Variants in SLC2A13 observed in about 807,000 individuals in gnomAD.
SLC2A13 encodes the protein solute carrier family 2 member 13.
SLC2A13 carries 32 observed loss-of-function variants against 64.4 expected under a neutral mutation model. The ratio of observed to expected loss-of-function variants is 0.50; its 90% CI spans 0.37 to 0.67. SLC2A13 has a LOEUF of 0.67. Ranked by LOEUF, SLC2A13 falls within the 30% of genes least tolerant of loss-of-function variation. SLC2A13 has a pLI of 0.00. For synonymous variants in SLC2A13, 338 were observed against 327.1 expected (o/e 1.03, Z -0.36); for missense variants, 743 against 829.2 (o/e 0.90, Z 1.28).
chr12:40,004,745 G>A (rs1306563376), intron 3 of SLC2A13, among the ~76,000 whole-genome samples: 1 of 151,832 alleles, frequency 6.6e-6, no homozygotes, highest in African/African-American at 2.4e-5. Context: ...ACTGTTAACT[G>A]GGAGCCTTAT....
chr12:40,073,465 T>C (rs1395041855), intron 1 of SLC2A13, among the ~76,000 whole-genome samples: 1 of 152,146 alleles, frequency 6.6e-6, no homozygotes, highest in African/African-American at 2.4e-5. Context: ...AGATCAATGA[T>C]TAATTAAAAA....
intron 4 of SLC2A13, among the ~76,000 whole-genome samples, chr12:39,927,633 G>A (rs541711577): frequency 4.6e-5 from 7 of 152,076 alleles, no homozygotes; most frequent in Non-Finnish European, 1.0e-4. Context: ...TACTGTTACT[G>A]TCAAAACAGC....
intron 3 of SLC2A13, among the ~76,000 whole-genome samples, chr12:39,959,677 A>G (rs1202071837): frequency 3.3e-5 from 5 of 152,206 alleles, no homozygotes; most frequent in Admixed American, 6.5e-5. Flanking sequence ...TTCTCAACTG[A>G]ACGAATTTCA....
intron 3 of SLC2A13, among the ~76,000 whole-genome samples, chr12:39,953,531 G>C (rs1039322470): frequency 6.6e-6 from 1 of 152,078 alleles, no homozygotes; most frequent in East Asian, 1.9e-4. Flanking sequence ...AAAAAATCAA[G>C]TACATTAATT....
At chr12:40,020,101 T>C (rs1199096589) in intron 3 of SLC2A13, among the ~76,000 whole-genome samples, 1 of 152,138 alleles carries the variant, frequency 6.6e-6, no homozygotes, top group Non-Finnish European at 1.5e-5. Flanking sequence ...AGCTCCCCAA[T>C]ACAAATCCAA....
At chr12:39,761,283 T>G (rs1331895702) in intron 9 of SLC2A13, among the ~76,000 whole-genome samples, 1 of 151,994 alleles carries the variant, frequency 6.6e-6, no homozygotes, top group African/African-American at 2.4e-5. Context: ...ACTTAAGTGT[T>G]GGCAGTTTAT....
At chr12:40,039,345 T>C (rs965068693) in intron 2 of SLC2A13, among the ~76,000 whole-genome samples, 44 of 152,198 alleles carry the variant, frequency 2.9e-4, no homozygotes, top group African/African-American at 1.0e-3. Flanking sequence ...CTTTAGACAA[T>C]GTAGATCTGT....
intron 3 of SLC2A13, among the ~76,000 whole-genome samples, chr12:39,979,360 C>A (rs1324207793): frequency 6.7e-6 from 1 of 148,540 alleles, no homozygotes; most frequent in African/African-American, 2.5e-5. Flanking sequence ...AGGCTTCAGA[C>A]GATCAAATTA....
chr12:39,894,562 C>A (rs536781700), intron 4 of SLC2A13, among the ~76,000 whole-genome samples: 1 of 152,074 alleles, frequency 6.6e-6, no homozygotes, highest in African/African-American at 2.4e-5. Flanking sequence ...AGTGGTTAAA[C>A]CCAGACTAAA....
chr12:39,760,259 C>T lies in SLC2A13; in HGVS notation c.1721-7G>A, dbSNP rs768208682. 122 of 1,603,732 alleles carry T rather than the reference C, an allele frequency of 7.6e-5. No individual in the cohort carries two copies. Among genetic ancestry groups the T allele is most frequent in the Middle Eastern group, 1.7e-4 (1 of 6,056 alleles). ...GCATAGAGGAAGAAAGCTCCTGCAA[C>T]GGAATATAATAGATACATGAATATG... On this transcript the variant is annotated splice_polypyrimidine_tract_variant and splice_region_variant and intron_variant, in intron 9 of 9. Transcript: ENST00000280871.
intron 6 of SLC2A13, among the ~76,000 whole-genome samples, chr12:39,834,787 A>C (rs1412439311): frequency 2.0e-5 from 3 of 152,078 alleles, no homozygotes; most frequent in Non-Finnish European, 2.9e-5. Flanking sequence ...TTTTCATCAT[A>C]TAGACTATTT....
Position 39,839,110 on chromosome 12 carries a change from C to T in SLC2A13, c.1320-8882G>A, listed in dbSNP as rs141092593. ...TCCCCTAACAGCTATTCCCAAACTT[C>T]CATACTCTACTATCCCCTTCCTCAC... is the stretch of plus-strand genomic sequence containing the variant. On this transcript the variant is annotated intron_variant, in intron 6 of 9. Coordinates refer to ENST00000280871, the MANE Select transcript of SLC2A13 (RefSeq NM_052885.4). Among the ~76,000 whole-genome samples the T allele has an allele frequency of 4.5e-3, 684 of 152,248 alleles. 2 individuals are homozygous for T. The highest frequency in any genetic ancestry group is 6.7e-3 in the Non-Finnish European group (454 of 67,990).
intron 2 of SLC2A13, among the ~76,000 whole-genome samples, chr12:40,033,228 T>C (rs1245860384): frequency 6.6e-6 from 1 of 152,240 alleles, no homozygotes; most frequent in Admixed American, 6.5e-5. Flanking sequence ...TTATTGTAAG[T>C]CAAGCTATAT....
intron 7 of SLC2A13, among the ~76,000 whole-genome samples, chr12:39,802,924 C>G (rs1592151527): frequency 6.6e-6 from 1 of 152,070 alleles, no homozygotes; most frequent in South Asian, 2.1e-4. Flanking sequence ...GACAATAAAG[C>G]CCTCTGGGAA....
intron 4 of SLC2A13, among the ~76,000 whole-genome samples, chr12:39,923,529 G>A (rs1945653285): frequency 6.6e-6 from 1 of 152,068 alleles, no homozygotes; most frequent in African/African-American, 2.4e-5. Context: ...TGTTTAATGT[G>A]TACAGAGTTT....
rs58188254 is a variant in SLC2A13, at chr12:39,828,712, GTTT to G, written c.1445+1388_1445+1390del. On this transcript the variant is annotated intron_variant, in intron 7 of 9. Coordinates refer to ENST00000280871, the MANE Select transcript of SLC2A13 (RefSeq NM_052885.4). Reference sequence around the variant, plus strand: ...ATAATTCTAGACTAGTAGTAACTTAGTTTTTTTTTTTTCCTATTGGCAAAAACA... The same window carrying G: ...ATAATTCTAGACTAGTAGTAACTTAGTTTTTTTTTCCTATTGGCAAAAACA... Among the ~76,000 whole-genome samples the G allele has an allele frequency of 5.3e-5, 8 of 149,828 alleles. No individual in the cohort carries two copies. The East Asian group carries it at 5.9e-4, about 11-fold the overall frequency.
At chr12:40,059,480 C>G (rs905765545) in intron 1 of SLC2A13, among the ~76,000 whole-genome samples, 4 of 152,162 alleles carry the variant, frequency 2.6e-5, no homozygotes, top group Non-Finnish European at 4.4e-5. Context: ...CAAACTCCCA[C>G]TTTAGGTTTG....
At chr12:40,027,248 T>C (rs1947827928) in intron 3 of SLC2A13, among the ~76,000 whole-genome samples, 2 of 152,198 alleles carry the variant, frequency 1.3e-5, no homozygotes, top group Non-Finnish European at 1.5e-5. Context: ...TTCTCCTTAA[T>C]CTTTGCACTA....
chr12:40,007,216 T>C (rs1947437575), intron 3 of SLC2A13, among the ~76,000 whole-genome samples: 1 of 152,202 alleles, frequency 6.6e-6, no homozygotes, highest in African/African-American at 2.4e-5. Flanking sequence ...TAATTTTCTA[T>C]TAGAAACAGT....
Sources: allele counts gnomAD v4.1 joint callset (sites outside exome capture counted in the v4.1 genomes callset), GRCh38; gene constraint gnomAD v4.1.1; transcripts MANE v1.5; gene names NCBI Gene and HGNC (gene_info 2026-07-23, HGNC 2026-07-21).